Variants in TMEM87B observed in about 807,000 individuals in gnomAD.
TMEM87B encodes the protein transmembrane protein 87B.
TMEM87B carries 83 observed loss-of-function variants against 80.3 expected under a neutral mutation model. The observed-to-expected ratio is 1.03, with a 90% CI of 0.87 to 1.24. The LOEUF (loss-of-function observed/expected upper bound fraction) is 1.24, where lower values mean the gene tolerates loss of function less well. Among genes scored for constraint, TMEM87B ranks in the 50% most tolerant of loss-of-function variants. TMEM87B has a pLI of 0.00. For synonymous variants in TMEM87B, 219 were observed against 230.5 expected, an observed-to-expected ratio of 0.95 and a Z score of 0.45; for missense variants, 625 against 674.4, an observed-to-expected ratio of 0.93 and a Z score of 0.81.
chr2:112,080,549 A>G lies in TMEM87B; in HGVS notation c.593-508A>G, dbSNP rs537858181. ...GCTGGGATTACAGGGGTGAGCCACC[A>G]CGCCCGGCCTGCCCATTCTTTTAAT... is the stretch of plus-strand genomic sequence containing the variant. On this transcript the variant is annotated intron_variant, in intron 6 of 18. Coordinates refer to ENST00000283206, the MANE Select transcript of TMEM87B (RefSeq NM_032824.3). 3.9e-3 allele frequency among the ~76,000 whole-genome samples: 597 copies of G among 152,268 alleles called. 2 individuals are homozygous for G. Among genetic ancestry groups the G allele is most frequent in the African/African-American group, 0.013 (529 of 41,538 alleles).
At chr2:112,093,123 C>T (rs1679353027) in intron 11 of TMEM87B, among the ~76,000 whole-genome samples, 1 of 152,006 alleles carries the variant, frequency 6.6e-6, no homozygotes, top group Admixed American at 6.6e-5. Flanking sequence ...ATCACTATGC[C>T]CTAGAAGGAA....
intron 9 of TMEM87B, among the ~76,000 whole-genome samples, chr2:112,088,597 T>C (rs1679212948): frequency 6.6e-6 from 1 of 152,194 alleles, no homozygotes; most frequent in Non-Finnish European, 1.5e-5. Context: ...TTCTAATTAC[T>C]CTGAGAGGAG....
chr2:112,062,179 T>G (rs1046920454), intron 2 of TMEM87B, among the ~76,000 whole-genome samples: 1 of 152,142 alleles, frequency 6.6e-6, no homozygotes, highest in Non-Finnish European at 1.5e-5. Flanking sequence ...TGAGAATCTG[T>G]GTTTTCACAG....
intron 18 of TMEM87B, among the ~76,000 whole-genome samples, 195 bp downstream of exon 18, chr2:112,113,124 A>G (rs1558854616): frequency 1.7e-5 from 2 of 114,608 alleles, no homozygotes; most frequent in Admixed American, 1.8e-4. Flanking sequence ...GAACAAGATA[A>G]ATACTTACTG....
rs183987150 is a variant in TMEM87B, at chr2:112,110,791, A to G, written c.1578-2108A>G. ...TACTACACGATCACATCTCCAAGGA[A>G]TATTCTTCTTTTTTATATATCATCC... On this transcript the variant is annotated intron_variant, in intron 17 of 18. Coordinates refer to ENST00000283206, the MANE Select transcript of TMEM87B (RefSeq NM_032824.3). Among the ~76,000 whole-genome samples the G allele has an allele frequency of 1.1e-3, 174 of 152,212 alleles. 9 individuals are homozygous for G. Among genetic ancestry groups the G allele is most frequent in the Admixed American group, 1.4e-3 (21 of 15,284 alleles).
chr2:112,074,048 G>A (rs1159199892), intron 4 of TMEM87B, among the ~76,000 whole-genome samples: 2 of 152,142 alleles, frequency 1.3e-5, no homozygotes, highest in Non-Finnish European at 2.9e-5. Context: ...TATTTATCCA[G>A]CTTGACATTC....
At chr2:112,076,114 G>T (rs1678804110) in intron 5 of TMEM87B, among the ~76,000 whole-genome samples, 1 of 152,080 alleles carries the variant, frequency 6.6e-6, no homozygotes, top group Non-Finnish European at 1.5e-5. Flanking sequence ...TAGGCCGGGT[G>T]TGGTGGCAGG....
rs569001932 is a variant in TMEM87B, at chr2:112,087,390, A to G, written c.938+1286A>G. 1.1e-3 allele frequency among the ~76,000 whole-genome samples: 166 copies of G among 151,020 alleles called. 2 individuals are homozygous for G. The highest frequency in any genetic ancestry group is 3.4e-3 in the African/African-American group (137 of 40,532). On this transcript the variant is annotated intron_variant, in intron 9 of 18. Transcript: ENST00000283206. Reference sequence around the variant, plus strand: ...TATTTTCTCACTCTCCTGTCTGCAGAAGACCATTTTACCCCTTTCTCTCAG... The same window carrying G: ...TATTTTCTCACTCTCCTGTCTGCAGGAGACCATTTTACCCCTTTCTCTCAG...
intron 9 of TMEM87B, among the ~76,000 whole-genome samples, chr2:112,088,819 T>G (rs2104484277): frequency 6.6e-6 from 1 of 152,246 alleles, no homozygotes; most frequent in South Asian, 2.1e-4. Context: ...AGTGCAGTGG[T>G]GCGATCTTGG....
intron 14 of TMEM87B, among the ~76,000 whole-genome samples, chr2:112,099,852 C>T (rs1444917088): frequency 1.3e-4 from 19 of 142,872 alleles, no homozygotes; most frequent in African/African-American, 5.0e-4. Context: ...TACTGCACTC[C>T]AGCTTGGGCA....
In TMEM87B at chr2:112,102,733, TAAA is replaced by T. The variant is rs1474525562; in HGVS notation, c.1450+2040_1450+2042del. ...AAAAATAAAAATAAAATAGTACAAA[TAAA>T]AGAAGAAAGAAGAAAAAAATGACAA... On this transcript the variant is annotated intron_variant, in intron 15 of 18. Transcript: ENST00000283206. 3.3e-5 allele frequency among the ~76,000 whole-genome samples: 5 copies of T among 150,904 alleles called. No individual in the cohort carries two copies. In the East Asian group the frequency reaches 9.7e-4, roughly 29 times the overall value.
chr2:112,064,810 G>A (rs934033141), intron 3 of TMEM87B, among the ~76,000 whole-genome samples: 1 of 152,162 alleles, frequency 6.6e-6, no homozygotes, highest in Non-Finnish European at 1.5e-5. Flanking sequence ...TCTCGTGATA[G>A]TTGCTTGGGA....
chr2:112,093,628 A>T, intron 11 of TMEM87B, among the ~76,000 whole-genome samples: 1 of 152,200 alleles, frequency 6.6e-6, no homozygotes, highest in East Asian at 1.9e-4. Flanking sequence ...ATTATAGTTA[A>T]ATAAATCTGA....
intron 15 of TMEM87B, among the ~76,000 whole-genome samples, chr2:112,104,283 T>C (rs1280537084): frequency 6.6e-6 from 1 of 152,206 alleles, no homozygotes; most frequent in Non-Finnish European, 1.5e-5. Flanking sequence ...ATAAGAAGGC[T>C]AGCTACAGTG....
At chr2:112,062,435 C>T (rs1678286043) in intron 2 of TMEM87B, among the ~76,000 whole-genome samples, 1 of 152,190 alleles carries the variant, frequency 6.6e-6, no homozygotes, top group African/African-American at 2.4e-5. Flanking sequence ...AACACCCATT[C>T]ATGATAGAAA....
intron 10 of TMEM87B, among the ~76,000 whole-genome samples, chr2:112,091,186 G>C (rs989981237): frequency 6.6e-6 from 1 of 151,624 alleles, no homozygotes. Context: ...GTTGCAGTGA[G>C]CTGAGATTGC....
chr2:112,083,084 A>C (rs1679047787), intron 8 of TMEM87B, among the ~76,000 whole-genome samples: 1 of 152,242 alleles, frequency 6.6e-6, no homozygotes. Flanking sequence ...TTGAAGCATC[A>C]AATTTAGAAA....
At chr2:112,096,972 T>A in intron 11 of TMEM87B, 72 bp from the exon 12 acceptor site, 1 of 1,033,492 alleles carries the variant, frequency 9.7e-7, no homozygotes, top group Non-Finnish European at 1.5e-6. Context: ...TTTGGGAACA[T>A]AGTAGAAGAT....
Position 112,074,238 on chromosome 2 carries a change from A to T in TMEM87B, c.451-674A>T, listed in dbSNP as rs143877285. 2.6e-5 allele frequency among the ~76,000 whole-genome samples: 4 copies of T among 152,206 alleles called. No homozygotes were observed. In the East Asian group the frequency reaches 7.7e-4, roughly 29 times the overall value. Reference sequence around the variant, plus strand: ...TCTTTCCATATTTAGTGCTTCTTTCAGGAGCTCTTGTAAGGCAGGTCTGAA... The same window carrying T: ...TCTTTCCATATTTAGTGCTTCTTTCTGGAGCTCTTGTAAGGCAGGTCTGAA... On this transcript the variant is annotated intron_variant, in intron 4 of 18. Transcript: ENST00000283206.
Sources: gnomAD v4.1 joint callset for allele counts (sites outside exome capture counted in the v4.1 genomes callset) on GRCh38, gnomAD v4.1.1 for gene constraint, MANE v1.5 for transcripts, NCBI Gene and HGNC (gene_info 2026-07-23, HGNC 2026-07-21) for gene names.